Variants in CDH13 observed in about 807,000 individuals in gnomAD.
CDH13 encodes cadherin-13.
In CDH13, 24 loss-of-function variants were observed where a neutral mutation model predicts 63.8. The ratio of observed to expected loss-of-function variants is 0.38; its 90% CI spans 0.27 to 0.53. The LOEUF is 0.53. Among genes scored for constraint, CDH13 ranks in the 20% least tolerant of loss-of-function variants. The pLI is 0.85. For synonymous variants in CDH13, 503 were observed against 355.3 expected, an observed-to-expected ratio of 1.42 and a Z score of -4.67; for missense variants, 1,049 against 903.1, an observed-to-expected ratio of 1.16 and a Z score of -2.07.
At chr16:83,414,644 CT>C (rs1226613497) in intron 6 of CDH13, among the ~76,000 whole-genome samples, 1 of 152,198 alleles carries the variant, frequency 6.6e-6, no homozygotes, top group Non-Finnish European at 1.5e-5. Context: ...ATTTTGAGTA[CT>C]TCATGTAAGT....
intron 2 of CDH13, among the ~76,000 whole-genome samples, chr16:82,935,011 G>A (rs1461381421): frequency 1.3e-5 from 2 of 152,088 alleles, no homozygotes; most frequent in African/African-American, 2.4e-5. Flanking sequence ...GTATCCTTAC[G>A]GCAGCACCCC....
intron 5 of CDH13, among the ~76,000 whole-genome samples, chr16:83,288,004 C>A (rs983923226): frequency 6.6e-6 from 1 of 152,196 alleles, no homozygotes; most frequent in East Asian, 1.9e-4. Flanking sequence ...TTACTGATTT[C>A]TTTCGTTTGA....
At chr16:82,894,399 T>C (rs962700720) in intron 2 of CDH13, among the ~76,000 whole-genome samples, 2 of 152,158 alleles carry the variant, frequency 1.3e-5, no homozygotes, top group African/African-American at 4.8e-5. Flanking sequence ...CCCAGCACTT[T>C]GAGAGGCTGA....
intron 1 of CDH13, among the ~76,000 whole-genome samples, chr16:82,800,630 C>A (rs1390169077): frequency 6.6e-6 from 1 of 152,188 alleles, no homozygotes; most frequent in South Asian, 2.1e-4. Flanking sequence ...GGGTCCTGGC[C>A]AGCTCTACAT....
chr16:83,532,791 C>G (rs1015247409), intron 7 of CDH13, among the ~76,000 whole-genome samples: 1 of 152,224 alleles, frequency 6.6e-6, no homozygotes, highest in African/African-American at 2.4e-5. Flanking sequence ...TGCACTAGAG[C>G]AGTTGTCCCA....
intron 10 of CDH13, among the ~76,000 whole-genome samples, chr16:83,747,174 A>C (rs967782202): frequency 1.3e-5 from 2 of 152,206 alleles, no homozygotes; most frequent in African/African-American, 4.8e-5. Context: ...GCCCTCGCGT[A>C]ACCTACATCC....
intron 1 of CDH13, among the ~76,000 whole-genome samples, chr16:82,814,953 C>T (rs2037631691): frequency 1.3e-5 from 2 of 152,124 alleles, no homozygotes; most frequent in African/African-American, 4.8e-5. Context: ...GGGAAAAACC[C>T]ACTCATACTT....
intron 10 of CDH13, among the ~76,000 whole-genome samples, chr16:83,712,560 C>A (rs930094442): frequency 1.1e-4 from 16 of 152,346 alleles, no homozygotes; most frequent in African/African-American, 3.8e-4. Context: ...TTCAGGAGCA[C>A]CCCTCAAGGT....
rs140007306 is a variant in CDH13, at chr16:83,019,184, C to T, written c.158-12826C>T. Among the ~76,000 whole-genome samples, 59 of 152,346 alleles carry T rather than the reference C, an allele frequency of 3.9e-4. No individual in the cohort carries two copies. The Middle Eastern group carries it at 0.01, about 26-fold the overall frequency. On this transcript the variant is annotated intron_variant, in intron 2 of 13. Transcript: ENST00000567109. Reference sequence around the variant, plus strand: ...TAACACTTAGCTTACAACACAAACACATTGTACAGCTATAGAAAATATTTT... The same window carrying T: ...TAACACTTAGCTTACAACACAAACATATTGTACAGCTATAGAAAATATTTT...
chr16:82,757,089 T>G (rs986287959), intron 1 of CDH13, among the ~76,000 whole-genome samples: 2 of 152,134 alleles, frequency 1.3e-5, no homozygotes, highest in African/African-American at 4.8e-5. Context: ...TCACCTCCAG[T>G]CCTCTCTTCC....
At chr16:82,878,972 G>T (rs981340576) in intron 2 of CDH13, among the ~76,000 whole-genome samples, 7 of 152,068 alleles carry the variant, frequency 4.6e-5, no homozygotes, top group African/African-American at 1.7e-4. Context: ...GAGTTTCCCT[G>T]TTTGCTGATG....
At chr16:83,670,383 AGGTT>A (rs2150855811) in intron 8 of CDH13, among the ~76,000 whole-genome samples, 1 of 150,496 alleles carries the variant, frequency 6.6e-6, no homozygotes, top group African/African-American at 2.5e-5. Flanking sequence ...CTTGGCCACC[AGGTT>A]GCTCCCCTCC....
chr16:83,007,610 G>T (rs1913668216), intron 2 of CDH13, among the ~76,000 whole-genome samples: 1 of 152,038 alleles, frequency 6.6e-6, no homozygotes, highest in South Asian at 2.1e-4. Context: ...CAGGTGGATT[G>T]CTTGAGTCCA....
rs2075471257 is a variant in CDH13, at chr16:83,550,532, C to G, written c.961-51922C>G. ...GCAGTTAATCCGATGGCAAATTCCG[C>G]TCATAATGGAAGAGCTGGCCCATGC... On this transcript the variant is annotated intron_variant, in intron 7 of 13. Transcript: ENST00000567109. 2.0e-5 allele frequency among the ~76,000 whole-genome samples: 3 copies of G among 152,300 alleles called. No individual in the cohort carries two copies. In the South Asian group the frequency reaches 6.2e-4, roughly 32 times the overall value.
At chr16:82,916,461 C>G (rs2041993852) in intron 2 of CDH13, among the ~76,000 whole-genome samples, 1 of 152,036 alleles carries the variant, frequency 6.6e-6, no homozygotes, top group Non-Finnish European at 1.5e-5. Context: ...GTAATCCTAG[C>G]TAGTTGGGAG....
At chr16:82,880,304 T>C (rs2040655181) in intron 2 of CDH13, among the ~76,000 whole-genome samples, 1 of 152,044 alleles carries the variant, frequency 6.6e-6, no homozygotes, top group African/African-American at 2.4e-5. Flanking sequence ...GGATGAGGGG[T>C]CTGAAGGTTT....
chr16:83,724,678 C>G (rs548786662), intron 10 of CDH13, among the ~76,000 whole-genome samples: 2 of 152,298 alleles, frequency 1.3e-5, no homozygotes, highest in East Asian at 3.9e-4. Flanking sequence ...CTGAAGGAGC[C>G]TATCTCCTAA....
intron 1 of CDH13, among the ~76,000 whole-genome samples, chr16:82,710,532 CAAAAAAA>C (rs71913517): frequency 0.019 from 1,036 of 55,886 alleles, 20 homozygotes; most frequent in South Asian, 0.13. Context: ...GACTCTGTCT[CAAAAAAA>C]AAAAAAAAAA....
chr16:83,095,191 C>G (rs2034133137), intron 3 of CDH13, among the ~76,000 whole-genome samples: 1 of 152,184 alleles, frequency 6.6e-6, no homozygotes, highest in East Asian at 1.9e-4. Flanking sequence ...AAGCTACAAA[C>G]ATGACATCAT....
Sources: gnomAD v4.1 joint callset for allele counts (sites outside exome capture counted in the v4.1 genomes callset) on GRCh38, gnomAD v4.1.1 for gene constraint, MANE v1.5 for transcripts, NCBI Gene and HGNC (gene_info 2026-07-23, HGNC 2026-07-21) for gene names.